The following ASTN2 variants were observed in gnomAD, a reference collection of about 807,000 sequenced individuals.
ASTN2 encodes astrotactin-2.
A neutral mutation model predicts 139.8 loss-of-function variants in ASTN2; 54 were observed. The observed-to-expected ratio is 0.39, with a 90% CI of 0.31 to 0.48. The LOEUF is 0.48. Among genes scored for constraint, ASTN2 ranks in the 20% least tolerant of loss-of-function variants. The pLI, the probability that ASTN2 is intolerant of heterozygous loss-of-function variation, is 0.95. For synonymous variants in ASTN2, 756 were observed against 719.5 expected, an observed-to-expected ratio of 1.05 and a Z score of -0.81; for missense variants, 1,565 against 1,725.1, an observed-to-expected ratio of 0.91 and a Z score of 1.64.
chr9:116,641,827 G>A (rs1400689302), intron 17 of ASTN2, among the ~76,000 whole-genome samples: 1 of 152,024 alleles, frequency 6.6e-6, no homozygotes, highest in Non-Finnish European at 1.5e-5. Flanking sequence ...TGAGTAATAT[G>A]TGGATTACTT....
chr9:116,997,032 G>T (rs4475577), intron 7 of ASTN2, among the ~76,000 whole-genome samples: 4 of 152,094 alleles, frequency 2.6e-5, no homozygotes, highest in Non-Finnish European at 5.9e-5. Flanking sequence ...AGAAATACCT[G>T]AGGCTACCTT....
chr9:117,349,062 G>A (rs925730812), intron 1 of ASTN2, among the ~76,000 whole-genome samples: 1 of 152,202 alleles, frequency 6.6e-6, no homozygotes, highest in African/African-American at 2.4e-5. Context: ...GGCAAGGGCG[G>A]TGAAGCATGC....
intron 16 of ASTN2, among the ~76,000 whole-genome samples, chr9:116,709,067 A>C (rs2132092472): frequency 6.6e-6 from 1 of 152,326 alleles, no homozygotes; most frequent in Admixed American, 6.5e-5. Context: ...ACTCTCCTGG[A>C]AACAGGCTGG....
At chr9:116,713,673 C>T (rs1828232843) in intron 16 of ASTN2, among the ~76,000 whole-genome samples, 1 of 152,128 alleles carries the variant, frequency 6.6e-6, no homozygotes, top group Non-Finnish European at 1.5e-5. Flanking sequence ...AGAATCGGAG[C>T]ATGAAAAGAC....
At chr9:117,389,411 G>T (rs190503521) in intron 1 of ASTN2, among the ~76,000 whole-genome samples, 1 of 152,144 alleles carries the variant, frequency 6.6e-6, no homozygotes, top group Non-Finnish European at 1.5e-5. Context: ...CAACTCAACC[G>T]TTCTCTTACT....
chr9:116,590,120 G>A (rs80249843), intron 19 of ASTN2, among the ~76,000 whole-genome samples: 4,535 of 152,282 alleles, frequency 0.03, 79 homozygotes, highest in Non-Finnish European at 0.032. Context: ...GCTGGCAGGA[G>A]CTAGGAACAG....
chr9:116,742,706 AC>A (rs1829126390), intron 13 of ASTN2, among the ~76,000 whole-genome samples: 1 of 152,180 alleles, frequency 6.6e-6, no homozygotes, highest in African/African-American at 2.4e-5. Flanking sequence ...AGTTCTGCAT[AC>A]ACAGGGTAAA....
chr9:116,769,648 G>A (rs892210433), intron 13 of ASTN2, among the ~76,000 whole-genome samples: 1 of 152,192 alleles, frequency 6.6e-6, no homozygotes, highest in Non-Finnish European at 1.5e-5. Flanking sequence ...TTCCCCTAAG[G>A]CAGGAAGAGA....
chr9:116,750,384 T>C (rs1829364481), intron 13 of ASTN2, among the ~76,000 whole-genome samples: 1 of 152,162 alleles, frequency 6.6e-6, no homozygotes, highest in Non-Finnish European at 1.5e-5. Context: ...GAATTTGTGG[T>C]TGGGGTCGCA....
intron 13 of ASTN2, among the ~76,000 whole-genome samples, chr9:116,788,190 G>A (rs976192518): frequency 6.6e-6 from 1 of 152,112 alleles, no homozygotes; most frequent in African/African-American, 2.4e-5. Context: ...GCGGGGAGAT[G>A]AAGAATAGGG....
chr9:116,515,421 C>A (rs1385885821), intron 19 of ASTN2, among the ~76,000 whole-genome samples: 1 of 152,116 alleles, frequency 6.6e-6, no homozygotes, highest in African/African-American at 2.4e-5. Flanking sequence ...GGGATAGAGT[C>A]CATTTCTGCT....
At chr9:116,606,189 C>A (rs1855191921) in intron 19 of ASTN2, among the ~76,000 whole-genome samples, 1 of 152,152 alleles carries the variant, frequency 6.6e-6, no homozygotes, top group African/African-American at 2.4e-5. Context: ...CAACAAGCCC[C>A]ATTTCTGCTC....
At chr9:117,378,158 G>C (rs911656989) in intron 1 of ASTN2, among the ~76,000 whole-genome samples, 1 of 152,138 alleles carries the variant, frequency 6.6e-6, no homozygotes, top group Non-Finnish European at 1.5e-5. Flanking sequence ...ACAACAAAAG[G>C]CTTGGCAGGT....
intron 6 of ASTN2, among the ~76,000 whole-genome samples, chr9:117,019,734 A>G (rs967669363): frequency 1.3e-5 from 2 of 152,108 alleles, no homozygotes; most frequent in Non-Finnish European, 2.9e-5. Flanking sequence ...ATGTAGTCTG[A>G]AGGAGCCAGT....
intron 20 of ASTN2, among the ~76,000 whole-genome samples, chr9:116,466,665 G>A (rs1409649054): frequency 3.9e-5 from 6 of 152,094 alleles, no homozygotes; most frequent in Admixed American, 6.6e-5. Flanking sequence ...ATATGGACCC[G>A]GCTTTGTGCT....
At chr9:116,735,928 A>G (rs142009983) in intron 13 of ASTN2, among the ~76,000 whole-genome samples, 3 of 152,342 alleles carry the variant, frequency 2.0e-5, no homozygotes, top group East Asian at 1.9e-4. Context: ...GAATGGCTAC[A>G]ATAACAATAG....
intron 13 of ASTN2, among the ~76,000 whole-genome samples, chr9:116,759,508 C>G (rs1829621142): frequency 6.6e-6 from 1 of 152,122 alleles, no homozygotes; most frequent in African/African-American, 2.4e-5. Context: ...TTTTCACAAC[C>G]ATGCTCTTCT....
chr9:117,307,279 C>A (rs138332171), intron 1 of ASTN2, among the ~76,000 whole-genome samples: 1 of 152,176 alleles, frequency 6.6e-6, no homozygotes, highest in Non-Finnish European at 1.5e-5. Context: ...TTTCCTCATA[C>A]GCATGCATGT....
Position 116,489,396 on chromosome 9 carries a change from G to C in ASTN2, c.3356-1896C>G, listed in dbSNP as rs550114284. ...CTGTTGCCAAGTCTGGAGTGCAGTGGTGCAACCTCAGCTCATTGAAGCCTC... is the reference window on the plus strand; with the variant it reads ...CTGTTGCCAAGTCTGGAGTGCAGTGCTGCAACCTCAGCTCATTGAAGCCTC... On this transcript the variant is annotated intron_variant, in intron 19 of 22. Transcript: ENST00000313400. Among the ~76,000 whole-genome samples the C allele has an allele frequency of 4.6e-5, 7 of 151,972 alleles. No homozygotes were observed. In the South Asian group the frequency reaches 1.5e-3, roughly 32 times the overall value.
Sources: gnomAD v4.1 joint callset for allele counts (sites outside exome capture counted in the v4.1 genomes callset) on GRCh38, gnomAD v4.1.1 for gene constraint, MANE v1.5 for transcripts, NCBI Gene and HGNC (gene_info 2026-07-23, HGNC 2026-07-21) for gene names.